LRRK1: variants seen among roughly 807,000 people sequenced by gnomAD.
LRRK1 encodes leucine-rich repeat serine/threonine-protein kinase 1.
A neutral mutation model predicts 209.1 loss-of-function variants in LRRK1; 113 were observed. The ratio of observed to expected loss-of-function variants is 0.54; its 90% confidence interval spans 0.46 to 0.63. The LOEUF (loss-of-function observed/expected upper bound fraction) is 0.63, where lower values mean the gene tolerates loss of function less well. Among genes scored for constraint, LRRK1 ranks in the 30% least tolerant of loss-of-function variants. LRRK1 has a pLI of 0.00. For missense variants in LRRK1, 2,284 were observed against 2,632.2 expected, an observed-to-expected ratio of 0.87 and a Z score of 2.89; for synonymous variants, 1,144 against 1,099.7, an observed-to-expected ratio of 1.04 and a Z score of -0.80.
At chr15:101,010,920 T>G in intron 9 of LRRK1, 83 bp downstream of exon 9, 3 of 1,310,942 alleles carry the variant, frequency 2.3e-6, no homozygotes, top group Non-Finnish European at 3.2e-6. Context: ...GTGCATTATG[T>G]CAGTTCATCC....
intron 6 of LRRK1, among the ~76,000 whole-genome samples, chr15:100,996,915 GAA>G (rs546278292): frequency 2.8e-4 from 43 of 152,300 alleles, no homozygotes; most frequent in African/African-American, 1.0e-3. Flanking sequence ...AAAAGAATAA[GAA>G]AGAGAATAAG....
chr15:101,065,100 C>T (rs996388283), intron 31 of LRRK1: 4 of 557,214 alleles, frequency 7.2e-6, no homozygotes, highest in African/African-American at 3.8e-5. Flanking sequence ...TTACTTGGTG[C>T]CACAGGCCCT....
rs1596195402 is a variant in LRRK1 at position 100,956,399 on chromosome 15, G to A, written c.98-17405G>A. On this transcript the variant is annotated intron_variant, in intron 2 of 33. Coordinates refer to ENST00000388948, the MANE Select transcript of LRRK1 (RefSeq NM_024652.6). ...TCTTTTTTTTCTTAGTCTAGCTAAC[G>A]ATTTGTCAATTAAAAAAAAAAACTC... is the stretch of plus-strand genomic sequence containing the variant. Among the ~76,000 whole-genome samples the A allele has an allele frequency of 4.3e-5, 3 of 70,078 alleles. No individual in the cohort carries two copies. The Admixed American group carries it at 5.2e-4, about 12-fold the overall frequency. 46.0% of individuals were successfully genotyped at this position (70,078 alleles called of 152,430 possible).
rs148902092 is a variant in LRRK1, at chr15:100,932,357, A to G, written c.97+7628A>G. Among the ~76,000 whole-genome samples the G allele has an allele frequency of 3.7e-3, 568 of 152,304 alleles. 5 individuals are homozygous for G. Among genetic ancestry groups the G allele is most frequent in the African/African-American group, 0.012 (496 of 41,560 alleles). ...TCTTTGTATATATTTCTGGTTTTAC[A>G]TGCATATTCAGTTGTACATACTATT... On this transcript the variant is annotated intron_variant, in intron 2 of 33. Coordinates refer to ENST00000388948, the MANE Select transcript of LRRK1 (RefSeq NM_024652.6).
At position 101,022,017 on chromosome 15, in the gene LRRK1, C is replaced by A; in HGVS notation, c.1852+60C>A. 8.2e-7 allele frequency: 1 copy of A among 1,226,278 alleles called. No individual in the cohort carries two copies. Among genetic ancestry groups the A allele is most frequent in the Admixed American group, 1.9e-5 (1 of 52,586 alleles). 76.0% of individuals were successfully genotyped at this position (1,226,278 alleles called of 1,614,324 possible). ...CTCTTGGAAAGACAACTCCAGTCCACTTGTTAAGTTCTGGGGGTGGAGACA... is the reference window on the plus strand; with the variant it reads ...CTCTTGGAAAGACAACTCCAGTCCAATTGTTAAGTTCTGGGGGTGGAGACA... On this transcript the variant is annotated intron_variant, in intron 14 of 33. Coordinates refer to ENST00000388948, the MANE Select transcript of LRRK1 (RefSeq NM_024652.6). This position sits in a 1 kb window ranked among gnomAD's most constrained non-coding sequence, Gnocchi z 4.0.
chr15:100,947,301 T>G (rs549793062), intron 2 of LRRK1, among the ~76,000 whole-genome samples: 11 of 152,282 alleles, frequency 7.2e-5, no homozygotes, highest in Admixed American at 7.2e-4. Context: ...GCAGTTTAAT[T>G]TAGTTAATAG....
chr15:101,021,832 C>T lies in LRRK1; in HGVS notation c.1740-13C>T. On this transcript the variant is annotated splice_polypyrimidine_tract_variant and intron_variant, in intron 13 of 33. Transcript: ENST00000388948. Reference sequence around the variant, plus strand: ...TGTGTGTATTCTCTCGTGGTGGACACATCTGTCTTCAGCAACCCTGGCCTC... The same window carrying T: ...TGTGTGTATTCTCTCGTGGTGGACATATCTGTCTTCAGCAACCCTGGCCTC... The T allele has an allele frequency of 6.4e-7, 1 of 1,565,020 alleles. No homozygotes were observed. Among genetic ancestry groups the T allele is most frequent in the Non-Finnish European group, 8.8e-7 (1 of 1,137,066 alleles).
At chr15:101,038,295 A>G (rs2034581114) in intron 20 of LRRK1, among the ~76,000 whole-genome samples, 1 of 152,208 alleles carries the variant, frequency 6.6e-6, no homozygotes, top group African/African-American at 2.4e-5. Context: ...TGGGAGTGCC[A>G]AAATCTCAGA....
intron 6 of LRRK1, among the ~76,000 whole-genome samples, chr15:101,006,672 T>C (rs1226116043): frequency 2.6e-5 from 4 of 152,182 alleles, no homozygotes; most frequent in African/African-American, 7.2e-5. Context: ...CTGAAGTATT[T>C]ACGGGTGAAG....
chr15:101,020,986 C>G, intron 12 of LRRK1, 67 bp from the exon 13 acceptor site: 2 of 1,592,420 alleles, frequency 1.3e-6, no homozygotes, highest in African/African-American at 1.3e-5. Context: ...ATACGCCCAC[C>G]TGGTCACCAC....
intron 17 of LRRK1, among the ~76,000 whole-genome samples, chr15:101,026,754 AT>A (rs1175594575): frequency 6.6e-6 from 1 of 152,202 alleles, no homozygotes. Flanking sequence ...TACACTGCAT[AT>A]TGCATTATCT....
At chr15:101,014,278 G>A in intron 10 of LRRK1, 38 bp from the exon 11 acceptor site, 1 of 1,418,484 alleles carries the variant, frequency 7.0e-7, no homozygotes, top group Non-Finnish European at 9.9e-7. Flanking sequence ...TGTATCTGAT[G>A]CTATCTTAGC....
chr15:100,948,576 A>C (rs547663151), intron 2 of LRRK1, among the ~76,000 whole-genome samples: 12 of 151,944 alleles, frequency 7.9e-5, no homozygotes, highest in Admixed American at 2.6e-4. Flanking sequence ...GTGTTTTGAG[A>C]TGTGGAGTTG....
intron 11 of LRRK1, among the ~76,000 whole-genome samples, chr15:101,014,886 C>T (rs1405943709): frequency 2.6e-5 from 4 of 152,190 alleles, no homozygotes; most frequent in African/African-American, 9.7e-5. Context: ...CTAATGGTGT[C>T]CTCTCATTTT....
chr15:101,043,333 G>A (rs2034870685), intron 20 of LRRK1, among the ~76,000 whole-genome samples: 1 of 152,184 alleles, frequency 6.6e-6, no homozygotes, highest in South Asian at 2.1e-4. Context: ...CTTTCTTGCT[G>A]CTCCAGCTCT....
At chr15:101,014,576 C>T (rs2033440032) in intron 11 of LRRK1, 148 bp downstream of exon 11, 1 of 656,558 alleles carries the variant, frequency 1.5e-6, no homozygotes, top group Admixed American at 2.8e-5. Flanking sequence ...GCCTCACAGC[C>T]CTGGGGGCTG....
chr15:100,927,228 A>G (rs895750581), intron 2 of LRRK1, among the ~76,000 whole-genome samples: 1 of 152,190 alleles, frequency 6.6e-6, no homozygotes, highest in Non-Finnish European at 1.5e-5. Context: ...ACCGGGGCGC[A>G]ATGGGCTTTG....
At chr15:100,934,096 CA>C (rs1366559112) in intron 2 of LRRK1, among the ~76,000 whole-genome samples, 9 of 152,034 alleles carry the variant, frequency 5.9e-5, no homozygotes, top group African/African-American at 1.7e-4. Context: ...ATGTCAAAAT[CA>C]TGTATTGAAA....
intron 23 of LRRK1, among the ~76,000 whole-genome samples, chr15:101,050,310 A>G (rs978781570): frequency 1.3e-5 from 2 of 152,008 alleles, no homozygotes; most frequent in Non-Finnish European, 2.9e-5. Context: ...CTGTTTCTTC[A>G]TTGATAGTTC....
Sources: gnomAD v4.1 joint callset for allele counts (sites outside exome capture counted in the v4.1 genomes callset) on GRCh38, gnomAD v4.1.1 for gene constraint, Gnocchi (gnomAD v3.1) non-coding constraint, MANE v1.5 for transcripts, NCBI Gene and HGNC (gene_info 2026-07-23, HGNC 2026-07-21) for gene names.